The following SLC15A5 variants were observed in gnomAD, a reference collection of about 807,000 sequenced individuals.
SLC15A5 encodes the protein Peptide/histidine transporter ENSP00000340402.
SLC15A5 carries 58 observed loss-of-function variants against 56.1 expected under a neutral mutation model. The observed-to-expected ratio is 1.03, with a 90% CI of 0.84 to 1.29. The LOEUF (loss-of-function observed/expected upper bound fraction) is 1.29, where lower values mean the gene tolerates loss of function less well. Ranked by LOEUF, SLC15A5 falls within the 50% of genes most tolerant of loss-of-function variation. The pLI, the probability that SLC15A5 is intolerant of heterozygous loss-of-function variation, is 0.00. For synonymous variants in SLC15A5, 264 were observed against 250.5 expected (o/e 1.05, Z -0.51); for missense variants, 681 against 672.1 (o/e 1.01, Z -0.15).
intron 7 of SLC15A5, among the ~76,000 whole-genome samples, chr12:16,211,218 G>A (rs1239827279): frequency 6.6e-6 from 1 of 152,320 alleles, no homozygotes; most frequent in Non-Finnish European, 1.5e-5. Flanking sequence ...AATGCAGTTG[G>A]AATACTTTTC....
In SLC15A5 at chr12:16,271,565, G is replaced by GA. The variant is rs1185673648; in HGVS notation, c.584+995dup. ...TGTAATATTAATATAATTGGAGAAAGAAAAAAGGGGAGCAAGAGAAAGAAA... is the reference window on the plus strand; with the variant it reads ...TGTAATATTAATATAATTGGAGAAAGAAAAAAAGGGGAGCAAGAGAAAGAAA... On this transcript the variant is annotated intron_variant, in intron 2 of 8. Coordinates refer to ENST00000344941, the MANE Select transcript of SLC15A5 (RefSeq NM_001170798.1). This position sits in a 1 kb window ranked among gnomAD's most constrained non-coding sequence, Gnocchi z 8.0. Among the ~76,000 whole-genome samples the GA allele has an allele frequency of 8.0e-6, 1 of 125,414 alleles. No homozygotes were observed. Among genetic ancestry groups the GA allele is most frequent in the African/African-American group, 3.0e-5 (1 of 32,832 alleles). 82.3% of individuals were successfully genotyped at this position (125,414 alleles called of 152,430 possible).
intron 3 of SLC15A5, among the ~76,000 whole-genome samples, chr12:16,256,170 G>T (rs1034772455): frequency 3.3e-5 from 5 of 152,122 alleles, no homozygotes; most frequent in African/African-American, 1.2e-4. Context: ...TAGATAGAAG[G>T]AAATAATTAA....
Position 16,244,595 on chromosome 12 carries a change from T to C in SLC15A5, c.960A>G (p.Arg320=). The C allele has an allele frequency of 7.8e-6, 12 of 1,537,672 alleles. No homozygotes were observed. Among genetic ancestry groups the C allele is most frequent in the Middle Eastern group, 3.4e-4 (2 of 5,900 alleles). ...LPLFIFQLLY[R]MCIMQIPSGY... ...CTGTCCTTACCTGCATAATGCACAT[T>C]CTGTATAGGAGCTGAAAAATGAAGA... The change falls in exon 4 of 9, where the codon AGA becomes AGG. Residue 320 remains arginine, a synonymous_variant. Coordinates refer to ENST00000344941, the MANE Select transcript of SLC15A5 (RefSeq NM_001170798.1).
At chr12:16,238,479 A>C (rs968231879) in intron 5 of SLC15A5, among the ~76,000 whole-genome samples, 11 of 151,864 alleles carry the variant, frequency 7.2e-5, no homozygotes, top group Non-Finnish European at 1.5e-5. Flanking sequence ...TGCAAAAAAA[A>C]ATTAGCCAGG....
At chr12:16,194,259 G>T (rs1051033665) in intron 8 of SLC15A5, 86 bp downstream of exon 8, 9 of 776,604 alleles carry the variant, frequency 1.2e-5, no homozygotes, top group Admixed American at 5.1e-5. Flanking sequence ...CAGTCATGGT[G>T]TACAGAATTC....
intron 6 of SLC15A5, among the ~76,000 whole-genome samples, chr12:16,217,321 G>C (rs1864140252): frequency 1.3e-5 from 2 of 152,132 alleles, no homozygotes; most frequent in Admixed American, 6.6e-5. Context: ...GAATATTTCT[G>C]ATAAATTTTG....
Position 16,244,572 on chromosome 12 carries a change from G to C in SLC15A5, c.975+8C>G. On this transcript the variant is annotated splice_region_variant and intron_variant, in intron 4 of 8. Coordinates refer to ENST00000344941, the MANE Select transcript of SLC15A5 (RefSeq NM_001170798.1). Reference sequence around the variant, plus strand: ...GTTGTTGGGGTAGTACTCATCGCCTGTCCTTACCTGCATAATGCACATTCT... The same window carrying C: ...GTTGTTGGGGTAGTACTCATCGCCTCTCCTTACCTGCATAATGCACATTCT... The C allele has an allele frequency of 6.5e-7, 1 of 1,536,450 alleles. No individual in the cohort carries two copies. The highest frequency in any genetic ancestry group is 1.4e-5 in the African/African-American group (1 of 73,114).
At chr12:16,228,481 T>TGGTC (rs1298410294) in intron 5 of SLC15A5, among the ~76,000 whole-genome samples, 1 of 152,242 alleles carries the variant, frequency 6.6e-6, no homozygotes, top group Non-Finnish European at 1.5e-5. Context: ...TCCACATCTG[T>TGGTC]GGTCCCCTCT....
At chr12:16,251,401 G>A in intron 3 of SLC15A5, among the ~76,000 whole-genome samples, 1 of 151,582 alleles carries the variant, frequency 6.6e-6, no homozygotes, top group Non-Finnish European at 1.5e-5. Flanking sequence ...AAAGCATGTT[G>A]ATTTTTGGAA....
intron 2 of SLC15A5, among the ~76,000 whole-genome samples, chr12:16,261,960 C>T (rs1565673821): frequency 6.6e-6 from 1 of 152,108 alleles, no homozygotes; most frequent in Non-Finnish European, 1.5e-5. Flanking sequence ...TTAAAAGTGT[C>T]TTTTGAAAAG....
intron 7 of SLC15A5, among the ~76,000 whole-genome samples, chr12:16,216,046 A>T (rs1341823563): frequency 6.7e-6 from 1 of 149,478 alleles, no homozygotes; most frequent in African/African-American, 2.5e-5. Context: ...CAGGTAAATT[A>T]AATTTGTCTG....
rs1863892133 is a variant in SLC15A5 at position 16,196,074 on chromosome 12, T to C, written c.1484-1621A>G. ...ATGCTATTAATTTGCAGTAGCTGTG[T>C]GTGTCTTATTTATCCTTATATTTTC... On this transcript the variant is annotated intron_variant, in intron 7 of 8. Coordinates refer to ENST00000344941, the MANE Select transcript of SLC15A5 (RefSeq NM_001170798.1). The surrounding 1 kb of genome is among the most constrained non-coding windows in gnomAD (Gnocchi z 4.0). Among the ~76,000 whole-genome samples, 1 of 152,114 alleles carries C rather than the reference T, an allele frequency of 6.6e-6. No homozygotes were observed. Among genetic ancestry groups the C allele is most frequent in the African/African-American group, 2.4e-5 (1 of 41,448 alleles).
rs773758947 is a variant in SLC15A5 at position 16,244,741 on chromosome 12, G to T, written c.814C>A (p.Gln272Lys). ...LVSALKTCHPQYCHLGRDVTS... is the reference protein window; with the variant it reads ...LVSALKTCHPKYCHLGRDVTS... The stretch of plus-strand genomic sequence containing the variant: ...ACGTCTCTGCCAAGATGGCAGTATT[G>T]CGGGTGGCATGTTTTCAGTGCACTA... The change falls in exon 4 of 9, where the codon CAA becomes AAA. Residue 272 changes from glutamine to lysine, a missense_variant. Gln to Lys is a moderately conservative substitution (Grantham distance 53). Coordinates refer to ENST00000344941, the MANE Select transcript of SLC15A5 (RefSeq NM_001170798.1). 78 of 1,537,718 alleles carry T rather than the reference G, an allele frequency of 5.1e-5. No homozygotes were observed. In the East Asian group the frequency reaches 1.8e-3, roughly 35 times the overall value.
Position 16,243,274 on chromosome 12 carries a change from G to A in SLC15A5, c.975+1306C>T, listed in dbSNP as rs935328748. ...TTCCCAGGCTGGAGTACAATGGCAT[G>A]ATCTCTGCTCACCGCAACCTCCGCC... On this transcript the variant is annotated intron_variant, in intron 4 of 8. Coordinates refer to ENST00000344941, the MANE Select transcript of SLC15A5 (RefSeq NM_001170798.1). The surrounding 1 kb of genome is among the most constrained non-coding windows in gnomAD (Gnocchi z 4.4). Among the ~76,000 whole-genome samples, 3 of 148,854 alleles carry A rather than the reference G, an allele frequency of 2.0e-5. No homozygotes were observed. The highest frequency in any genetic ancestry group is 6.7e-5 in the Admixed American group (1 of 14,854).
intron 7 of SLC15A5, among the ~76,000 whole-genome samples, chr12:16,203,246 C>T (rs1863980225): frequency 6.6e-6 from 1 of 151,842 alleles, no homozygotes; most frequent in South Asian, 2.1e-4. Flanking sequence ...TAGATATATA[C>T]AATTACTATT....
At chr12:16,191,420 A>G (rs761362875) in intron 8 of SLC15A5, among the ~76,000 whole-genome samples, 1 of 152,038 alleles carries the variant, frequency 6.6e-6, no homozygotes, top group Non-Finnish European at 1.5e-5. Context: ...GAGGACAAGA[A>G]TAAGTTGGGA....
chr12:16,198,619 T>C (rs988710855), intron 7 of SLC15A5, among the ~76,000 whole-genome samples: 2 of 152,132 alleles, frequency 1.3e-5, no homozygotes, highest in Non-Finnish European at 2.9e-5. Flanking sequence ...TTTTAAAATG[T>C]CTGGATTTCA....
intron 5 of SLC15A5, among the ~76,000 whole-genome samples, chr12:16,229,286 C>A (rs908690276): frequency 1.3e-5 from 2 of 152,210 alleles, no homozygotes; most frequent in African/African-American, 4.8e-5. Context: ...TGCCTTGCTA[C>A]TTTCTACTGT....
At chr12:16,207,158 A>C (rs1231881149) in intron 7 of SLC15A5, among the ~76,000 whole-genome samples, 2 of 152,208 alleles carry the variant, frequency 1.3e-5, no homozygotes, top group Non-Finnish European at 2.9e-5. Context: ...ATCAGACTTG[A>C]TATTATTAAT....
Sources: gnomAD v4.1 joint callset for allele counts (sites outside exome capture counted in the v4.1 genomes callset) on GRCh38, gnomAD v4.1.1 for gene constraint, Gnocchi (gnomAD v3.1) non-coding constraint, MANE v1.5 for transcripts, NCBI Gene and HGNC (gene_info 2026-07-23, HGNC 2026-07-21) for gene names.